Variants in HDHD5 observed in about 807,000 individuals in gnomAD.
HDHD5 encodes the protein haloacid dehalogenase-like hydrolase domain-containing 5.
In HDHD5, 34 loss-of-function variants were observed where a neutral mutation model predicts 35.5. The observed-to-expected ratio is 0.96, with a 90% CI of 0.73 to 1.28. HDHD5 has a LOEUF of 1.28. Among genes scored for constraint, HDHD5 ranks in the 50% most tolerant of loss-of-function variants. The probability of loss-of-function intolerance (pLI) is 0.00; values close to 1 mark genes in which losing one functional copy is unlikely to be tolerated. For missense variants in HDHD5, 589 were observed against 560.2 expected, an observed-to-expected ratio of 1.05 and a Z score of -0.52; for synonymous variants, 248 against 240.6, an observed-to-expected ratio of 1.03 and a Z score of -0.29.
chr22:17,156,055 A>G (rs1460535105), intron 1 of HDHD5, among the ~76,000 whole-genome samples: 1 of 152,218 alleles, frequency 6.6e-6, no homozygotes, highest in Non-Finnish European at 1.5e-5. Context: ...TGACAAAAAA[A>G]AAGAAACCAA....
chr22:17,140,878 ATATGTGGAG>A (rs2061591776), intron 6 of HDHD5, among the ~76,000 whole-genome samples, 172 bp downstream of exon 6: 2 of 152,178 alleles, frequency 1.3e-5, no homozygotes, highest in East Asian at 3.9e-4. Context: ...TTAGTAACTA[ATATGTGGAG>A]TGGTCCTTGA....
chr22:17,145,460 T>C (rs1445844912), intron 3 of HDHD5, among the ~76,000 whole-genome samples: 3 of 152,214 alleles, frequency 2.0e-5, no homozygotes, highest in African/African-American at 4.8e-5. Context: ...TCCCAGCACT[T>C]TGGGAGGCTG....
chr22:17,141,379 G>A (rs2061600044), intron 5 of HDHD5, 146 bp from the exon 6 acceptor site: 3 of 1,403,362 alleles, frequency 2.1e-6, no homozygotes, highest in Non-Finnish European at 2.8e-6. Context: ...AACAAGCCCA[G>A]TAGAGCCCCT....
At chr22:17,164,087 G>C (rs1172504996), upstream of HDHD5, among the ~76,000 whole-genome samples, 1 of 152,200 alleles carries the variant, frequency 6.6e-6, no homozygotes, top group East Asian at 1.9e-4. Context: ...TGGGCATGGT[G>C]GCACGCATCT....
intron 5 of HDHD5, chr22:17,142,558 T>G (rs1166327349): frequency 6.6e-6 from 1 of 152,372 alleles, no homozygotes; most frequent in Non-Finnish European, 1.5e-5. Flanking sequence ...CACATCAGCC[T>G]GCATTTGTAG....
chr22:17,146,404 C>T (rs2061663329), intron 3 of HDHD5, among the ~76,000 whole-genome samples: 2 of 148,640 alleles, frequency 1.3e-5, no homozygotes, highest in Admixed American at 1.3e-4. Context: ...CACACGCCAT[C>T]GCACACGCTC....
At chr22:17,138,482 T>A in intron 7 of HDHD5, 68 bp downstream of exon 7, 1 of 1,549,572 alleles carries the variant, frequency 6.5e-7, no homozygotes, top group Non-Finnish European at 8.8e-7. Context: ...GAAATGGGGG[T>A]GAGAGTAGAG....
At chr22:17,143,306 G>A (rs1306995086) in intron 4 of HDHD5, 175 bp from the exon 5 acceptor site, 1 of 605,088 alleles carries the variant, frequency 1.7e-6, no homozygotes, top group East Asian at 3.3e-5. Flanking sequence ...ATGCAAGAAA[G>A]GCGAAAAGAC....
intron 1 of HDHD5, among the ~76,000 whole-genome samples, chr22:17,153,654 T>C (rs986595230): frequency 4.6e-5 from 7 of 152,108 alleles, no homozygotes; most frequent in African/African-American, 1.2e-4. Flanking sequence ...TCGGATTTCA[T>C]TTTCTTATTC....
In HDHD5 at chr22:17,159,207, C is replaced by T; in HGVS notation, c.45G>A (p.Gly15=). The T allele has an allele frequency of 1.6e-6, 2 of 1,213,882 alleles. No homozygotes were observed. Among genetic ancestry groups the T allele is most frequent in the Non-Finnish European group, 2.0e-6 (2 of 976,898 alleles). 75.2% of individuals were successfully genotyped at this position (1,213,882 alleles called of 1,614,324 possible). The change falls in exon 1 of 8, where the codon GGG becomes GGA. Residue 15 remains glycine (G), a synonymous_variant. Transcript: ENST00000336737. ...CCGCGCGCGCCGCCCGCCAGCAAAG[C>T]CCACGCGCCGCGCCGAGCGCAGCCA... ...GCVAALGAAR[G]LCWRAARAAA...
upstream of HDHD5, chr22:17,159,937 G>A (rs1412900692): frequency 6.1e-6 from 1 of 163,250 alleles, no homozygotes; most frequent in Non-Finnish European, 1.4e-5. Flanking sequence ...TAGACACAAG[G>A]GTGAATGAAC....
rs543949127 is a variant in HDHD5, at chr22:17,152,038, T to G, written c.127-2293A>C. Among the ~76,000 whole-genome samples the G allele has an allele frequency of 2.6e-5, 4 of 152,182 alleles. No homozygotes were observed. In the South Asian group the frequency reaches 8.3e-4, roughly 32 times the overall value. On this transcript the variant is annotated intron_variant, in intron 1 of 7. Transcript: ENST00000336737. Reference sequence around the variant, plus strand: ...CCAGACTAGATGAGTGGTTCCTGCCTGCCTACCTGGTTCAATGAGAAGACA... The same window carrying G: ...CCAGACTAGATGAGTGGTTCCTGCCGGCCTACCTGGTTCAATGAGAAGACA...
chr22:17,154,119 C>G (rs113447119), intron 1 of HDHD5, among the ~76,000 whole-genome samples: 6,758 of 151,196 alleles, frequency 0.045, 485 homozygotes, highest in African/African-American at 0.16. Context: ...ACCTCGGCCT[C>G]CCAAAGTGCT....
rs149846168 is a variant in HDHD5 at position 17,164,483 on chromosome 22, C to T, written c.36+726G>A. Among the ~76,000 whole-genome samples, 568 of 152,324 alleles carry T rather than the reference C, an allele frequency of 3.7e-3. 8 individuals carry two copies. The highest frequency in any genetic ancestry group is 0.012 in the African/African-American group (516 of 41,578). Reference sequence around the variant, plus strand: ...ACAACACAGCCTTGGTATTGTGGTTCCACAAACTTGTTAGGTACCCAGGCT... The same window carrying T: ...ACAACACAGCCTTGGTATTGTGGTTTCACAAACTTGTTAGGTACCCAGGCT... On this transcript the variant is annotated intron_variant, in intron 1 of 7. Coordinates refer to the HDHD5 transcript ENST00000155674.
At chr22:17,161,055 G>A (rs984486861), upstream of HDHD5, among the ~76,000 whole-genome samples, 1 of 152,026 alleles carries the variant, frequency 6.6e-6, no homozygotes, top group African/African-American at 2.4e-5. Context: ...AGGAGTTCAA[G>A]ACCAGCCTGG....
rs1381762068 is a variant in HDHD5 at position 17,159,168 on chromosome 22, C to T, written c.84G>A (p.Gln28=). Residue 28 remains glutamine, a synonymous_variant, in exon 1 of 8, where the codon CAG becomes CAA. Transcript: ENST00000336737. ...CATAGCACCTGCGGGCGGGGCGGCC[C>T]TGGAGCCCCGCAGCCGCGCGCGCCG... ...WRAARAAAGL[Q]GRPARRCYAV... The T allele has an allele frequency of 8.2e-7, 1 of 1,220,808 alleles. No individual in the cohort carries two copies. Among genetic ancestry groups the T allele is most frequent in the Admixed American group, 4.3e-5 (1 of 23,092 alleles). The allele number at this position is 1,220,808 out of a possible 1,614,324, so 75.6% of individuals were successfully genotyped here.
chr22:17,142,454 A>C (rs2061610464), intron 5 of HDHD5: 1 of 152,254 alleles, frequency 6.6e-6, no homozygotes, highest in Non-Finnish European at 1.5e-5. Flanking sequence ...TCTACCAAGA[A>C]CTGTTACCTA....
At chr22:17,142,306 C>A (rs1023424003) in intron 5 of HDHD5, 3 of 152,218 alleles carry the variant, frequency 2.0e-5, no homozygotes, top group Non-Finnish European at 4.4e-5. Flanking sequence ...GGTGAACAAC[C>A]TTTTCAGAAT....
upstream of HDHD5, among the ~76,000 whole-genome samples, chr22:17,164,173 A>G (rs1341731320): frequency 3.4e-5 from 5 of 147,868 alleles, no homozygotes; most frequent in African/African-American, 1.2e-4. Flanking sequence ...GTGAGCTGAG[A>G]CCGTGCCACT....
Sources: allele counts gnomAD v4.1 joint callset (sites outside exome capture counted in the v4.1 genomes callset), GRCh38; gene constraint gnomAD v4.1.1; transcripts MANE v1.5; gene names NCBI Gene and HGNC (gene_info 2026-07-23, HGNC 2026-07-21).